Variants in OR8H2 observed in about 807,000 individuals in gnomAD.
The protein encoded by OR8H2 is olfactory receptor family 8 subfamily H member 2, also known as olfactory receptor 8H2.
For synonymous variants in OR8H2, 157 were observed against 139.2 expected (o/e 1.13, Z -0.90); for missense variants, 374 against 371.1 (o/e 1.01, Z -0.06).
chr11:56,104,872 A>T lies in OR8H2; in HGVS notation c.-171A>T. 4 of 487,284 alleles carry T rather than the reference A, an allele frequency of 8.2e-6. No homozygotes were observed. Among genetic ancestry groups the T allele is most frequent in the Non-Finnish European group, 1.1e-5 (3 of 281,162 alleles). 30.2% of individuals were successfully genotyped at this position (487,284 alleles called of 1,614,324 possible). On this transcript the variant is annotated splice_region_variant and 5_prime_UTR_variant, in exon 2 of 2. It adds an upstream start codon to the 5' untranslated region. Transcript: ENST00000313503. Reference sequence around the variant, plus strand: ...GTTTGTTTTTTGTTTTTTGAGTCAGAGTCTGGCACAGTCGCCAGGGCTGGA... The same window carrying T: ...GTTTGTTTTTTGTTTTTTGAGTCAGTGTCTGGCACAGTCGCCAGGGCTGGA...
Position 56,104,964 on chromosome 11 carries a change from A to C in OR8H2, c.-79A>C. ...CGCGTTCAAGCAATTCTCCTGCCTC[A>C]GCTTCTCCAGTAGCTGGGATTACAG... On this transcript the variant is annotated 5_prime_UTR_variant, in exon 2 of 2. Transcript: ENST00000313503. 1 of 1,267,766 alleles carries C rather than the reference A, an allele frequency of 7.9e-7. No homozygotes were observed. The highest frequency in any genetic ancestry group is 1.1e-6 in the Non-Finnish European group (1 of 902,178). The allele number at this position is 1,267,766 out of a possible 1,614,324, so 78.5% of individuals were successfully genotyped here.
At position 56,103,932 on chromosome 11, in the gene OR8H2, T is replaced by C. The variant is rs779820423; in HGVS notation, c.-227T>C. The C allele has an allele frequency of 1.4e-4, 22 of 152,144 alleles. No homozygotes were observed. The highest frequency in any genetic ancestry group is 2.2e-4 in the Non-Finnish European group (15 of 68,000). 9.4% of individuals were successfully genotyped at this position (152,144 alleles called of 1,614,324 possible). ...ATAACAAAAATTTGAGGTTGACAAA[T>C]TTCCAGACAGATAATATAAGAAGAA... On this transcript the variant is annotated 5_prime_UTR_variant, in exon 1 of 2. Coordinates refer to ENST00000313503, the MANE Select transcript of OR8H2 (RefSeq NM_001386064.1).
intron 1 of OR8H2, among the ~76,000 whole-genome samples, chr11:56,104,444 A>G (rs1449347929): frequency 6.6e-6 from 1 of 152,164 alleles, no homozygotes; most frequent in Non-Finnish European, 1.5e-5. Flanking sequence ...AAACAAGAGT[A>G]TAGTATTATA....
chr11:56,106,610 C>T lies in OR8H2; in HGVS notation c.*629C>T, dbSNP rs1483623417. On this transcript the variant is annotated 3_prime_UTR_variant, in exon 2 of 2. Coordinates refer to ENST00000313503, the MANE Select transcript of OR8H2 (RefSeq NM_001386064.1). ...AATGCTTCCCATTATCATTAGAAGA[C>T]CTACATTACTGCACAAAGCCTTTTT... 1 of 151,960 alleles carries T rather than the reference C, an allele frequency of 6.6e-6. No homozygotes were observed. The highest frequency in any genetic ancestry group is 1.5e-5 in the Non-Finnish European group (1 of 67,926). 9.4% of individuals were successfully genotyped at this position (151,960 alleles called of 1,614,324 possible).
chr11:56,105,161 T>C lies in OR8H2; in HGVS notation c.119T>C (p.Met40Thr). 1.2e-6 allele frequency: 2 copies of C among 1,614,192 alleles called. No individual in the cohort carries two copies. Among genetic ancestry groups the C allele is most frequent in the East Asian group, 2.2e-5 (1 of 44,882 alleles). Reference sequence around the variant, plus strand: ...TTTCTCCTGATATACCTAATTACTATGCTGGGGAATGTGGGGATGATATTG... The same window carrying C: ...TTTCTCCTGATATACCTAATTACTACGCTGGGGAATGTGGGGATGATATTG... ...MLFLLIYLIT[M>T]LGNVGMILII... is the part of the protein sequence containing the mutation. Residue 40 changes from methionine (M) to threonine (T), a missense_variant, in exon 2 of 2, where the codon ATG (methionine) becomes ACG (threonine). By Grantham distance (81) the Met-to-Thr change is moderately conservative. Coordinates refer to ENST00000313503, the MANE Select transcript of OR8H2 (RefSeq NM_001386064.1).
Position 56,103,828 on chromosome 11 carries a change from A to G in OR8H2, c.-331A>G, listed in dbSNP as rs1443920675. On this transcript the variant is annotated 5_prime_UTR_variant, in exon 1 of 2. Transcript: ENST00000313503. ...ACTCAGAATAAAACATAATGAATAC[A>G]CCAAAATGTAAAAACAACTTATCTC... is the stretch of plus-strand genomic sequence containing the variant. 1 of 152,200 alleles carries G rather than the reference A, an allele frequency of 6.6e-6. No individual in the cohort carries two copies. Among genetic ancestry groups the G allele is most frequent in the East Asian group, 1.9e-4 (1 of 5,188 alleles). The allele number at this position is 152,200 out of a possible 1,614,324, so 9.4% of individuals were successfully genotyped here. A position where few individuals can be genotyped will look rare whatever the true frequency, so the allele number is the denominator to read the frequency against.
Position 56,105,211 on chromosome 11 carries a change from C to T in OR8H2, c.169C>T (p.His57Tyr), listed in dbSNP as rs767833447. The T allele has an allele frequency of 1.2e-6, 2 of 1,614,198 alleles. No homozygotes were observed. The highest frequency in any genetic ancestry group is 1.7e-6 in the Non-Finnish European group (2 of 1,180,020). Residue 57 changes from histidine to tyrosine, a missense_variant, in exon 2 of 2, where the codon CAC (histidine) becomes TAC (tyrosine). His to Tyr is a moderately conservative substitution (Grantham distance 83). Transcript: ENST00000313503. ...ILIIRLDLQL[H>Y]TPMYFFLTHL... ...GATAATCCGCCTGGACCTCCAGCTT[C>T]ACACTCCCATGTATTTTTTCCTTAC... is the stretch of plus-strand genomic sequence containing the variant.
rs7933129 is a variant in OR8H2, at chr11:56,106,114, C to G, written c.*133C>G. 44,088 of 625,320 alleles carry G rather than the reference C, an allele frequency of 0.071. 1,941 individuals carry two copies. Among genetic ancestry groups the G allele is most frequent in the Non-Finnish European group, 0.085 (31,534 of 371,306 alleles). 38.7% of individuals were successfully genotyped at this position (625,320 alleles called of 1,614,324 possible). A position where few individuals can be genotyped will look rare whatever the true frequency, so the allele number is the denominator to read the frequency against. On this transcript the variant is annotated 3_prime_UTR_variant, in exon 2 of 2. Transcript: ENST00000313503. ...ATTTCTGTTGTGCTACCCTTTGCTT[C>G]ACTAAACATGATTTTAAACATTTCA... is the stretch of plus-strand genomic sequence containing the variant.
rs897546383 is a variant in OR8H2, at chr11:56,107,342, C to T, written c.*1361C>T. The T allele has an allele frequency of 1.3e-5, 2 of 151,884 alleles. No individual in the cohort carries two copies. The highest frequency in any genetic ancestry group is 4.8e-5 in the African/African-American group (2 of 41,422). 9.4% of individuals were successfully genotyped at this position (151,884 alleles called of 1,614,324 possible). On this transcript the variant is annotated 3_prime_UTR_variant, in exon 2 of 2. Transcript: ENST00000313503. ...GTTTGTTTCAGTTGTAAAAATAACT[C>T]CTTGACTTAAATGCTTTATTCATTG...
In OR8H2 at chr11:56,105,278, C is replaced by T. The variant is rs2134662580; in HGVS notation, c.236C>T (p.Thr79Ile). The change falls in exon 2 of 2, where the codon ACA (threonine) becomes ATA (isoleucine). Residue 79 changes from threonine to isoleucine, a missense_variant. Coordinates refer to ENST00000313503, the MANE Select transcript of OR8H2 (RefSeq NM_001386064.1). ...FIDLSYSTVV[T>I]PKTLANLLTS... ...GACCTCAGTTACTCAACTGTCGTCA[C>T]ACCTAAAACCTTAGCGAACTTACTG... is the stretch of plus-strand genomic sequence containing the variant. 1 of 1,614,240 alleles carries T rather than the reference C, an allele frequency of 6.2e-7. No homozygotes were observed. Among genetic ancestry groups the T allele is most frequent in the African/African-American group, 1.3e-5 (1 of 75,064 alleles).
rs1854069665 is a variant in OR8H2 at position 56,107,417 on chromosome 11, G to A, written c.*1436G>A. The A allele has an allele frequency of 6.6e-6, 1 of 151,934 alleles. No homozygotes were observed. The highest frequency in any genetic ancestry group is 2.4e-5 in the African/African-American group (1 of 41,434). 9.4% of individuals were successfully genotyped at this position (151,934 alleles called of 1,614,324 possible). On this transcript the variant is annotated 3_prime_UTR_variant, in exon 2 of 2. Transcript: ENST00000313503. ...AGTTGTAAAGCAAAGAATTGATAAT[G>A]AATTCAGATGTTGTAACAGCCCACA...
chr11:56,105,672 C>G lies in OR8H2; in HGVS notation c.630C>G (p.Ser210=). The change falls in exon 2 of 2, where the codon TCC becomes TCG. Residue 210 remains serine, a synonymous_variant. Transcript: ENST00000313503. ...TTGTTGGTTCCACCCTGATGGTGTC[C>G]CTTTTCACAATATCTGCATCCTATG... is the stretch of plus-strand genomic sequence containing the variant. ...FIIVGSTLMV[S]LFTISASYVF... 2 of 1,614,068 alleles carry G rather than the reference C, an allele frequency of 1.2e-6. No homozygotes were observed. The highest frequency in any genetic ancestry group is 1.7e-6 in the Non-Finnish European group (2 of 1,179,924).
At position 56,107,140 on chromosome 11, in the gene OR8H2, A is replaced by G. The variant is rs539889229; in HGVS notation, c.*1159A>G. On this transcript the variant is annotated 3_prime_UTR_variant, in exon 2 of 2. Coordinates refer to ENST00000313503, the MANE Select transcript of OR8H2 (RefSeq NM_001386064.1). ...GGACAAAATCAAGACTCACTTCACAATGTTTTGGACTTGAAATATAAACTC... is the reference window on the plus strand; with the variant it reads ...GGACAAAATCAAGACTCACTTCACAGTGTTTTGGACTTGAAATATAAACTC... The G allele has an allele frequency of 6.6e-6, 1 of 152,014 alleles. No homozygotes were observed. Among genetic ancestry groups the G allele is most frequent in the South Asian group, 2.1e-4 (1 of 4,828 alleles). The allele number at this position is 152,014 out of a possible 1,614,324, so 9.4% of individuals were successfully genotyped here.
In OR8H2 at chr11:56,106,696, AAAG is replaced by A. The variant is rs1185485388; in HGVS notation, c.*718_*720del. On this transcript the variant is annotated 3_prime_UTR_variant, in exon 2 of 2. Transcript: ENST00000313503. ...TGGTTAATTTAATTGACAGAACTAA[AAAG>A]AACAAAAATCAGCAGCTCACAATTT... 6.6e-6 allele frequency: 1 copy of A among 152,072 alleles called. No individual in the cohort carries two copies. The highest frequency in any genetic ancestry group is 6.5e-5 in the Admixed American group (1 of 15,276). The allele number at this position is 152,072 out of a possible 1,614,324, so 9.4% of individuals were successfully genotyped here.
rs747740295 is a variant in OR8H2, at chr11:56,105,783, A to T, written c.741A>T (p.Gly247=). ...AFSTCVSHLL[G]VTIFYSTLIF... is the part of the protein sequence containing the mutation. Reference sequence around the variant, plus strand: ...CTACTTGCGTCTCTCATCTCTTGGGAGTCACCATCTTTTATAGCACTCTGA... The same window carrying T: ...CTACTTGCGTCTCTCATCTCTTGGGTGTCACCATCTTTTATAGCACTCTGA... The change falls in exon 2 of 2, where the codon GGA becomes GGT. Residue 247 remains glycine, a synonymous_variant. Coordinates refer to ENST00000313503, the MANE Select transcript of OR8H2 (RefSeq NM_001386064.1). 38 of 1,613,728 alleles carry T rather than the reference A, an allele frequency of 2.4e-5. No homozygotes were observed. Among genetic ancestry groups the T allele is most frequent in the Non-Finnish European group, 2.5e-5 (29 of 1,179,816 alleles).
At position 56,106,035 on chromosome 11, in the gene OR8H2, TG is replaced by T; in HGVS notation, c.*57del. ...AACTCATCTTTTCTTTCATTCCTGT[TG>T]GGTATTTTCTTAGTCTCTCTATAAA... On this transcript the variant is annotated 3_prime_UTR_variant, in exon 2 of 2. Transcript: ENST00000313503. 8.8e-7 allele frequency: 1 copy of T among 1,132,386 alleles called. No individual in the cohort carries two copies. The highest frequency in any genetic ancestry group is 2.4e-5 in the East Asian group (1 of 42,168). 70.1% of individuals were successfully genotyped at this position (1,132,386 alleles called of 1,614,324 possible).
In OR8H2 at chr11:56,105,653, G is replaced by C; in HGVS notation, c.611G>C (p.Gly204Ala). The change falls in exon 2 of 2, where the codon GGT (glycine) becomes GCT (alanine). Residue 204 changes from glycine to alanine, a missense_variant. Gly to Ala is a moderately conservative substitution (Grantham distance 60). Coordinates refer to ENST00000313503, the MANE Select transcript of OR8H2 (RefSeq NM_001386064.1). ...NTEILIFIIV[G>A]STLMVSLFTI... Reference sequence around the variant, plus strand: ...GAAATCCTGATATTCATTATTGTTGGTTCCACCCTGATGGTGTCCCTTTTC... The same window carrying C: ...GAAATCCTGATATTCATTATTGTTGCTTCCACCCTGATGGTGTCCCTTTTC... 1 of 1,613,992 alleles carries C rather than the reference G, an allele frequency of 6.2e-7. No individual in the cohort carries two copies.
intron 1 of OR8H2, among the ~76,000 whole-genome samples, chr11:56,104,635 C>A (rs1338196918): frequency 3.3e-5 from 5 of 152,068 alleles, no homozygotes; most frequent in African/African-American, 7.2e-5. Flanking sequence ...TAAAGGAAGT[C>A]ATTCAGAACA....
chr11:56,104,573 G>C (rs1854020503), intron 1 of OR8H2, among the ~76,000 whole-genome samples: 1 of 152,062 alleles, frequency 6.6e-6, no homozygotes, highest in Non-Finnish European at 1.5e-5. Flanking sequence ...AAACTATGTG[G>C]ATAATAGTAG....
Sources: allele counts gnomAD v4.1 joint callset (sites outside exome capture counted in the v4.1 genomes callset), GRCh38; gene constraint gnomAD v4.1.1; transcripts MANE v1.5; gene names NCBI Gene and HGNC (gene_info 2026-07-23, HGNC 2026-07-21).